SSUH2: variants seen among roughly 807,000 people sequenced by gnomAD.
SSUH2 encodes the protein ssu-2 homolog.
In SSUH2, 47 loss-of-function variants were observed where a neutral mutation model predicts 55.3. The observed-to-expected ratio is 0.85, with a 90% confidence interval of 0.67 to 1.08. The LOEUF (loss-of-function observed/expected upper bound fraction) is 1.08, where lower values mean the gene tolerates loss of function less well. Ranked by LOEUF, SSUH2 falls within the 50% of genes least tolerant of loss-of-function variation. The probability of loss-of-function intolerance (pLI) is 0.00; values close to 1 mark genes in which losing one functional copy is unlikely to be tolerated. For missense variants in SSUH2, 535 were observed against 490.7 expected, an observed-to-expected ratio of 1.09 and a Z score of -0.85; for synonymous variants, 212 against 191.5, an observed-to-expected ratio of 1.11 and a Z score of -0.89.
chr3:8,650,623 AG>A (rs1702287304), intron 7 of SSUH2, among the ~76,000 whole-genome samples: 1 of 152,228 alleles, frequency 6.6e-6, no homozygotes, highest in African/African-American at 2.4e-5. Flanking sequence ...CTTCAAAAAC[AG>A]GGATCCAGTC....
chr3:8,659,853 A>G (rs147141424), intron 6 of SSUH2: 1 of 453,796 alleles, frequency 2.2e-6, no homozygotes, highest in African/African-American at 2.0e-5. Context: ...AACACAGTCA[A>G]TAAATGCTAT....
chr3:8,655,773 GC>G (rs1240032231), intron 7 of SSUH2, among the ~76,000 whole-genome samples: 8 of 152,198 alleles, frequency 5.3e-5, no homozygotes, highest in African/African-American at 1.7e-4. Context: ...TGATAACACA[GC>G]CCCTCGCTCT....
In SSUH2 at chr3:8,632,778, A is replaced by G. The variant is rs1040664546; in HGVS notation, c.340-669T>C. On this transcript the variant is annotated intron_variant, in intron 4 of 11. Coordinates refer to ENST00000544814, the MANE Select transcript of SSUH2 (RefSeq NM_001256748.3). ...GGAGACAGAAGTGCCTGTCAGAGGC[A>G]GGACTTCCCTGCAGCAATGAATAAA... Among the ~76,000 whole-genome samples, 7 of 152,342 alleles carry G rather than the reference A, an allele frequency of 4.6e-5. No homozygotes were observed. In the East Asian group the frequency reaches 1.3e-3, roughly 29 times the overall value.
intron 1 of SSUH2, among the ~76,000 whole-genome samples, chr3:8,644,463 T>C (rs999933455): frequency 6.6e-6 from 1 of 152,142 alleles, no homozygotes; most frequent in African/African-American, 2.4e-5. Context: ...CAAAGGCTCA[T>C]AACGGAAGAA....
upstream of SSUH2, chr3:8,644,921 C>G (rs1007652434): frequency 1.5e-6 from 1 of 677,994 alleles, no homozygotes; most frequent in Admixed American, 2.1e-5. Flanking sequence ...AGCAGCTGCT[C>G]TGCACCCAAT....
In SSUH2 at chr3:8,630,793, T is replaced by C; in HGVS notation, c.525+12A>G. 7.2e-7 allele frequency: 1 copy of C among 1,379,834 alleles called. No individual in the cohort carries two copies. Among genetic ancestry groups the C allele is most frequent in the Non-Finnish European group, 9.5e-7 (1 of 1,057,088 alleles). 85.5% of individuals were successfully genotyped at this position (1,379,834 alleles called of 1,614,324 possible). On this transcript the variant is annotated intron_variant, in intron 6 of 11. Transcript: ENST00000544814. The stretch of plus-strand genomic sequence containing the variant: ...AGGGCAAGTATTCCAGTAATCGCGT[T>C]AATCGTATTACCTTGACCAGTGACG...
chr3:8,652,440 G>A (rs1336368659), intron 7 of SSUH2, among the ~76,000 whole-genome samples: 30 of 152,154 alleles, frequency 2.0e-4, no homozygotes, highest in Non-Finnish European at 1.5e-5. Flanking sequence ...TAACCTCAAT[G>A]CTTATCATGT....
At chr3:8,658,367 G>C (rs1317224784) in intron 7 of SSUH2, among the ~76,000 whole-genome samples, 3 of 152,162 alleles carry the variant, frequency 2.0e-5, no homozygotes, top group Non-Finnish European at 4.4e-5. Flanking sequence ...GGAGAAAGAG[G>C]GGGTACTCTG....
chr3:8,639,955 G>T, intron 1 of SSUH2: 1 of 985,214 alleles, frequency 1.0e-6, no homozygotes, highest in Non-Finnish European at 1.2e-6. Context: ...TACCACGATG[G>T]GTGTATTGTC....
rs749019449 is a variant in SSUH2 at position 8,633,666 on chromosome 3, C to T, written c.339G>A (p.Arg113=). ...IQELKRQTLC[R]YRLETFSESR... Reference sequence around the variant, plus strand: ...CCCCCCACCGGCCCTGGCCTCTCACCCTGCAGAGGGTCTGCCGCTTCAGCT... The same window carrying T: ...CCCCCCACCGGCCCTGGCCTCTCACTCTGCAGAGGGTCTGCCGCTTCAGCT... The change falls in exon 4 of 12, where the codon AGG becomes AGA. Residue 113 remains arginine, a splice_region_variant and synonymous_variant. Coordinates refer to ENST00000544814, the MANE Select transcript of SSUH2 (RefSeq NM_001256748.3). The T allele has an allele frequency of 2.0e-6, 3 of 1,515,524 alleles. No homozygotes were observed. The highest frequency in any genetic ancestry group is 1.3e-5 in the South Asian group (1 of 74,852). The allele number at this position is 1,515,524 out of a possible 1,614,324, so 93.9% of individuals were successfully genotyped here. A position where few individuals can be genotyped will look rare whatever the true frequency, so the allele number is the denominator to read the frequency against.
intron 6 of SSUH2, among the ~76,000 whole-genome samples, chr3:8,661,718 G>A (rs1703509552): frequency 6.6e-6 from 1 of 152,252 alleles, no homozygotes; most frequent in Non-Finnish European, 1.5e-5. Context: ...TGTATATGCA[G>A]TGGGTTGCAT....
chr3:8,652,669 T>G (rs1702544180), intron 7 of SSUH2, among the ~76,000 whole-genome samples: 1 of 152,212 alleles, frequency 6.6e-6, no homozygotes, highest in Admixed American at 6.5e-5. Context: ...AGCCCTCACA[T>G]GTTTTCCCCT....
intron 7 of SSUH2, among the ~76,000 whole-genome samples, chr3:8,653,486 TAAG>T (rs567790434): frequency 5.3e-5 from 8 of 152,240 alleles, no homozygotes; most frequent in Non-Finnish European, 8.8e-5. Flanking sequence ...TCCTTTTTGT[TAAG>T]AAGAAACAAA....
chr3:8,668,816 G>A (rs536123242), intron 5 of SSUH2, among the ~76,000 whole-genome samples: 4 of 151,590 alleles, frequency 2.6e-5, no homozygotes, highest in East Asian at 1.9e-4. Context: ...CTTTGTGATC[G>A]AAAAAAAAGA....
At position 8,633,787 on chromosome 3, in the gene SSUH2, G is replaced by A. The variant is rs748228423; in HGVS notation, c.218C>T (p.Ala73Val). Reference protein sequence around the residue: ...WPSFLEHRVPAMTEEVAREAL... With the variant: ...WPSFLEHRVPVMTEEVAREAL... ...TTCCCGGGCCACCTCCTCCGTCATC[G>A]CAGGGACTCTGCAGGGGACCGAACA... The change falls in exon 4 of 12, where the codon GCG (alanine) becomes GTG (valine). Residue 73 changes from alanine to valine, a missense_variant. Physicochemically the swap from Ala to Val is moderately conservative, Grantham distance 64. Transcript: ENST00000544814. The A allele has an allele frequency of 3.2e-5, 51 of 1,613,152 alleles. No homozygotes were observed. Among genetic ancestry groups the A allele is most frequent in the East Asian group, 1.3e-4 (6 of 44,864 alleles).
chr3:8,675,643 G>C (rs1269982893), intron 3 of SSUH2, among the ~76,000 whole-genome samples: 1 of 152,224 alleles, frequency 6.6e-6, no homozygotes, highest in Non-Finnish European at 1.5e-5. Flanking sequence ...AAGAGCAGAA[G>C]TCAGGCGAGA....
chr3:8,661,915 G>A lies in SSUH2; in HGVS notation c.-396+1829C>T, dbSNP rs192696719. Among the ~76,000 whole-genome samples, 11 of 152,306 alleles carry A rather than the reference G, an allele frequency of 7.2e-5. No homozygotes were observed. The East Asian group carries it at 2.1e-3, about 29-fold the overall frequency. ...TTCCCCTCATATTTTTCTTGTGGTA[G>A]TGGATAAGTCTCATGAAATCCGACG... On this transcript the variant is annotated intron_variant, in intron 6 of 18. Coordinates refer to the SSUH2 transcript ENST00000317371.
At chr3:8,633,643 C>A in intron 4 of SSUH2, 23 bp downstream of exon 4, 1 of 1,496,684 alleles carries the variant, frequency 6.7e-7, no homozygotes, top group Non-Finnish European at 8.9e-7. Flanking sequence ...GGCCAAGGCC[C>A]CCCACCGGCC....
chr3:8,679,594 C>T (rs1705814337), intron 2 of SSUH2: 1 of 164,908 alleles, frequency 6.1e-6, no homozygotes, highest in South Asian at 2.0e-4. Flanking sequence ...TCTTGGGACC[C>T]CCATCGAAGG....
Sources: gnomAD v4.1 joint callset for allele counts (sites outside exome capture counted in the v4.1 genomes callset) on GRCh38, gnomAD v4.1.1 for gene constraint, MANE v1.5 for transcripts, NCBI Gene and HGNC (gene_info 2026-07-23, HGNC 2026-07-21) for gene names.